RADIL: variants seen among roughly 807,000 people sequenced by gnomAD.
RADIL encodes ras-associating and dilute domain-containing protein.
RADIL carries 99 observed loss-of-function variants against 97.6 expected under a neutral mutation model. That is an observed-to-expected ratio of 1.01 (90% CI 0.86 to 1.20). The LOEUF (loss-of-function observed/expected upper bound fraction) is 1.20, where lower values mean the gene tolerates loss of function less well. Among genes scored for constraint, RADIL ranks in the 50% most tolerant of loss-of-function variants. The pLI is 0.00. For missense variants in RADIL, 1,765 were observed against 1,498.9 expected, an observed-to-expected ratio of 1.18 and a Z score of -2.93; for synonymous variants, 803 against 691.8, an observed-to-expected ratio of 1.16 and a Z score of -2.52.
At chr7:4,845,394 G>C (rs1013119517) in intron 2 of RADIL, among the ~76,000 whole-genome samples, 82 of 152,170 alleles carry the variant, frequency 5.4e-4, no homozygotes, top group African/African-American at 1.9e-3. Flanking sequence ...CTCCAGCCTG[G>C]GTGACAGAGC....
Position 4,819,830 on chromosome 7 carries a change from C to A in RADIL, c.1616-2479G>T, listed in dbSNP as rs553280853. 6.6e-5 allele frequency among the ~76,000 whole-genome samples: 10 copies of A among 152,338 alleles called. No individual in the cohort carries two copies. In the East Asian group the frequency reaches 1.9e-3, roughly 29 times the overall value. ...GCCCTCGACACCCGGAGCCTGCAGG[C>A]ATCCCTGGGCCCTGGCTCCCATCGC... On this transcript the variant is annotated intron_variant, in intron 6 of 14. Transcript: ENST00000399583. This position sits in a 1 kb window ranked among gnomAD's most constrained non-coding sequence, Gnocchi z 5.8.
At chr7:4,869,252 C>A (rs753840085) in intron 2 of RADIL, among the ~76,000 whole-genome samples, 3 of 152,186 alleles carry the variant, frequency 2.0e-5, no homozygotes, top group Non-Finnish European at 4.4e-5. Context: ...CCCACCTTAG[C>A]CCCCTGAGTA....
rs191429847 is a variant in RADIL, at chr7:4,872,389, C to T, written c.535+5216G>A. On this transcript the variant is annotated intron_variant, in intron 2 of 14. Coordinates refer to ENST00000399583, the MANE Select transcript of RADIL (RefSeq NM_018059.5). The surrounding 1 kb of genome is among the most constrained non-coding windows in gnomAD (Gnocchi z 5.8). ...AAGGGAGAAAGCAAGGAAGGCCAGC[C>T]CTCCCCGGGCTCTGCGCGGGTTTAA... Among the ~76,000 whole-genome samples, 4 of 152,300 alleles carry T rather than the reference C, an allele frequency of 2.6e-5. No homozygotes were observed. In the East Asian group the frequency reaches 7.7e-4, roughly 29 times the overall value.
At chr7:4,846,571 G>C (rs1377822559) in intron 2 of RADIL, among the ~76,000 whole-genome samples, 2 of 137,474 alleles carry the variant, frequency 1.5e-5, no homozygotes, top group East Asian at 4.3e-4. Flanking sequence ...TTGAGACGAA[G>C]TCTTGCTCTT....
intron 5 of RADIL, among the ~76,000 whole-genome samples, chr7:4,830,474 C>G (rs777941719): frequency 3.9e-5 from 6 of 152,204 alleles, no homozygotes; most frequent in Non-Finnish European, 8.8e-5. Flanking sequence ...ACTACCTTAC[C>G]TCTAACCCAG....
At position 4,879,062 on chromosome 7, in the gene RADIL, T is replaced by C. The variant is rs1784431039; in HGVS notation, c.-64-859A>G. ...GTCCTGGCTTGAAGGAGATACTCCC[T>C]GGGATGGCAGCACTGAGTGGCCTCG... On this transcript the variant is annotated intron_variant, in intron 1 of 14. Coordinates refer to ENST00000399583, the MANE Select transcript of RADIL (RefSeq NM_018059.5). The surrounding 1 kb of genome is among the most constrained non-coding windows in gnomAD (Gnocchi z 4.1). Among the ~76,000 whole-genome samples the C allele has an allele frequency of 6.6e-6, 1 of 152,200 alleles. No homozygotes were observed. Among genetic ancestry groups the C allele is most frequent in the Non-Finnish European group, 1.5e-5 (1 of 68,032 alleles).
intron 11 of RADIL, among the ~76,000 whole-genome samples, chr7:4,802,890 GCCC>G (rs1562425707): frequency 1.7e-4 from 17 of 102,486 alleles, no homozygotes; most frequent in African/African-American, 7.2e-4. Context: ...TGGCTGGGGG[GCCC>G]CCTCCCCGGG....
At chr7:4,832,366 C>T (rs948990389) in intron 4 of RADIL, 188 bp from the exon 5 acceptor site, 9 of 623,324 alleles carry the variant, frequency 1.4e-5, no homozygotes, top group Non-Finnish European at 2.0e-5. Context: ...CTTCCCATTC[C>T]ATTACCGACT....
intron 7 of RADIL, 75 bp from the exon 8 acceptor site, chr7:4,816,540 C>T (rs1187528010): frequency 1.3e-5 from 16 of 1,254,046 alleles, no homozygotes; most frequent in East Asian, 7.1e-5. Flanking sequence ...CCTGACCCAG[C>T]GAGCTCCCCA....
intron 2 of RADIL, among the ~76,000 whole-genome samples, chr7:4,877,123 C>T (rs1417999984): frequency 3.9e-5 from 6 of 152,194 alleles, no homozygotes; most frequent in African/African-American, 1.4e-4. Flanking sequence ...GGAACACCAG[C>T]CAGCCTCCTG....
intron 9 of RADIL, among the ~76,000 whole-genome samples, chr7:4,811,833 G>T (rs528592304): frequency 8.5e-4 from 129 of 151,742 alleles, no homozygotes; most frequent in Non-Finnish European, 1.7e-3. Flanking sequence ...AAACCATCTG[G>T]ACCTTGAATC....
chr7:4,865,581 C>T (rs1462862175), intron 2 of RADIL: 24 of 794,742 alleles, frequency 3.0e-5, no homozygotes, highest in Admixed American at 1.4e-4. Context: ...AAAGGGACCT[C>T]GGATGTCACA....
At chr7:4,845,739 T>C (rs538026520) in intron 2 of RADIL, among the ~76,000 whole-genome samples, 375 of 152,334 alleles carry the variant, frequency 2.5e-3, no homozygotes, top group Admixed American at 3.3e-3. Context: ...AATTAGAGTC[T>C]TACTCAGGGA....
intron 5 of RADIL, among the ~76,000 whole-genome samples, chr7:4,827,066 A>G (rs982430654): frequency 6.6e-6 from 1 of 152,136 alleles, no homozygotes; most frequent in Non-Finnish European, 1.5e-5. Flanking sequence ...TTCTAGGCCA[A>G]TAAGAATCAT....
At chr7:4,860,745 T>C (rs1158371844) in intron 2 of RADIL, 1 of 1,614,044 alleles carries the variant, frequency 6.2e-7, no homozygotes, top group Middle Eastern at 1.6e-4. Flanking sequence ...CACTCTGCCT[T>C]ACTTAGCAAA....
At position 4,834,701 on chromosome 7, in the gene RADIL, C is replaced by T; in HGVS notation, c.1322G>A (p.Cys441Tyr). The T allele has an allele frequency of 7.1e-7, 1 of 1,408,164 alleles. No individual in the cohort carries two copies. Among genetic ancestry groups the T allele is most frequent in the Non-Finnish European group, 9.3e-7 (1 of 1,074,654 alleles). The allele number at this position is 1,408,164 out of a possible 1,614,324, so 87.2% of individuals were successfully genotyped here. Residue 441 changes from cysteine to tyrosine, a missense_variant, in exon 4 of 15, where the codon TGC (cysteine) becomes TAC (tyrosine). Cys to Tyr is a radical substitution (Grantham distance 194). Coordinates refer to ENST00000399583, the MANE Select transcript of RADIL (RefSeq NM_018059.5). The surrounding 1 kb of genome is among the most constrained non-coding windows in gnomAD (Gnocchi z 6.0). Reference sequence around the variant, plus strand: ...GGTGGCCGAGTGCTGGATGCAGAGGCACAGGAGGAAGGCGGGGGTCAGCTT... The same window carrying T: ...GGTGGCCGAGTGCTGGATGCAGAGGTACAGGAGGAAGGCGGGGGTCAGCTT... The part of the protein sequence containing the change: ...DHKLTPAFLL[C>Y]LCIQHSATHF...
chr7:4,851,856 A>G (rs539555753), intron 2 of RADIL, among the ~76,000 whole-genome samples: 1 of 152,336 alleles, frequency 6.6e-6, no homozygotes, highest in African/African-American at 2.4e-5. Context: ...GGCACAGAGG[A>G]AAAACCAAGT....
chr7:4,802,039 G>T (rs757677754), intron 11 of RADIL, 44 bp from the exon 12 acceptor site: 22 of 1,428,574 alleles, frequency 1.5e-5, no homozygotes. Context: ...GAGTGGCCAG[G>T]TGGACACAGC....
chr7:4,805,483 G>A (rs1782276432), intron 10 of RADIL, 83 bp downstream of exon 10: 1 of 1,449,406 alleles, frequency 6.9e-7, no homozygotes, highest in African/African-American at 1.4e-5. Context: ...CACTTCAGTT[G>A]GGATGAGAGC....
Sources: allele counts gnomAD v4.1 joint callset (sites outside exome capture counted in the v4.1 genomes callset), GRCh38; gene constraint gnomAD v4.1.1; non-coding constraint Gnocchi (gnomAD v3.1); transcripts MANE v1.5; gene names NCBI Gene and HGNC (gene_info 2026-07-23, HGNC 2026-07-21).